The following PTN variants were observed in gnomAD, a reference collection of about 807,000 sequenced individuals.
PTN encodes the protein heparin affin regulatory protein.
In PTN, 18 loss-of-function variants were observed where a neutral mutation model predicts 24.1. That is an observed-to-expected ratio of 0.75 (90% CI 0.52 to 1.11). PTN has a LOEUF of 1.11. PTN is among the 50% of genes least tolerant of loss of function. The pLI, the probability that PTN is intolerant of heterozygous loss-of-function variation, is 0.00. For synonymous variants in PTN, 78 were observed against 68.6 expected (o/e 1.14, Z -0.67); for missense variants, 163 against 198.8 (o/e 0.82, Z 1.08).
At chr7:137,235,925 A>G (rs917645684) in intron 4 of PTN, among the ~76,000 whole-genome samples, 1 of 152,164 alleles carries the variant, frequency 6.6e-6, no homozygotes, top group Non-Finnish European at 1.5e-5. Context: ...AAACACATCT[A>G]GACAATTTCA....
chr7:137,301,074 A>G (rs1373561550), intron 1 of PTN, among the ~76,000 whole-genome samples: 1 of 151,984 alleles, frequency 6.6e-6, no homozygotes, highest in Non-Finnish European at 1.5e-5. Context: ...TAAAATGTAT[A>G]AAGAGTATAG....
At chr7:137,297,854 C>A (rs1809742910) in intron 1 of PTN, among the ~76,000 whole-genome samples, 1 of 151,708 alleles carries the variant, frequency 6.6e-6, no homozygotes, top group African/African-American at 2.4e-5. Flanking sequence ...TCCAGAAGAG[C>A]TGATAAGTTA....
chr7:137,342,527 CTGTGTG>C lies in PTN; in HGVS notation c.-2+906_-2+911del, dbSNP rs4032309. ...GTATATAAACTGCATGTGTGTGTTC[CTGTGTG>C]TGTGTGTGTGTGTGTTGTGTCACAT... On this transcript the variant is annotated intron_variant, in intron 1 of 4. Coordinates refer to ENST00000348225, the MANE Select transcript of PTN (RefSeq NM_002825.7). Among the ~76,000 whole-genome samples, 18 of 150,522 alleles carry C rather than the reference CTGTGTG, an allele frequency of 1.2e-4. No homozygotes were observed. In the South Asian group the frequency reaches 1.7e-3, roughly 14 times the overall value.
intron 4 of PTN, among the ~76,000 whole-genome samples, chr7:137,231,318 A>G (rs1309927656): frequency 1.3e-5 from 2 of 151,656 alleles, no homozygotes; most frequent in Non-Finnish European, 2.9e-5. Context: ...TATCCTTTTC[A>G]TATTATTTCC....
intron 4 of PTN, among the ~76,000 whole-genome samples, chr7:137,232,454 G>A (rs1563193233): frequency 6.6e-6 from 1 of 151,814 alleles, no homozygotes; most frequent in Non-Finnish European, 1.5e-5. Flanking sequence ...GTAACTTTGT[G>A]GGGGGTTTTT....
At chr7:137,338,951 C>T (rs770204927) in intron 1 of PTN, among the ~76,000 whole-genome samples, 1 of 151,316 alleles carries the variant, frequency 6.6e-6, no homozygotes, top group Non-Finnish European at 1.5e-5. Flanking sequence ...TGTGACAATA[C>T]TAAAGCATTT....
At chr7:137,244,019 C>T (rs1808679694) in intron 4 of PTN, among the ~76,000 whole-genome samples, 1 of 152,252 alleles carries the variant, frequency 6.6e-6, no homozygotes. Flanking sequence ...GCTTAACGAG[C>T]TAGAGTAGAT....
chr7:137,318,154 G>A (rs190229553), intron 1 of PTN, among the ~76,000 whole-genome samples: 6 of 152,316 alleles, frequency 3.9e-5, no homozygotes, highest in Non-Finnish European at 7.4e-5. Flanking sequence ...TGTAATCCCA[G>A]CTACTTGGGA....
chr7:137,283,720 A>C (rs1809508251), intron 1 of PTN, among the ~76,000 whole-genome samples: 1 of 152,164 alleles, frequency 6.6e-6, no homozygotes, highest in African/African-American at 2.4e-5. Flanking sequence ...ATATGCCAAA[A>C]GAAGGAAAGA....
At chr7:137,300,248 C>G (rs1259302195) in intron 1 of PTN, among the ~76,000 whole-genome samples, 1 of 151,930 alleles carries the variant, frequency 6.6e-6, no homozygotes, top group African/African-American at 2.4e-5. Flanking sequence ...GCCTAAGGTA[C>G]AGGTGGTTGA....
At chr7:137,322,872 T>A (rs1810187338) in intron 1 of PTN, among the ~76,000 whole-genome samples, 1 of 152,216 alleles carries the variant, frequency 6.6e-6, no homozygotes, top group African/African-American at 2.4e-5. Flanking sequence ...ACTGCCAGCA[T>A]CAATTCCCTC....
intron 1 of PTN, among the ~76,000 whole-genome samples, chr7:137,298,108 G>T (rs1269658176): frequency 6.6e-6 from 1 of 151,966 alleles, no homozygotes; most frequent in Non-Finnish European, 1.5e-5. Flanking sequence ...ATAAAATATA[G>T]ATCCACACGC....
At chr7:137,276,313 C>T (rs1809357915) in intron 1 of PTN, among the ~76,000 whole-genome samples, 1 of 152,202 alleles carries the variant, frequency 6.6e-6, no homozygotes, top group Non-Finnish European at 1.5e-5. Flanking sequence ...CCAGCTCTTC[C>T]TCCTTTCTCT....
chr7:137,343,731 A>C lies in PTN; in HGVS notation c.-294T>G. The stretch of plus-strand genomic sequence containing the variant: ...GGGAGGGAACGGAAGGGAAATGGAG[A>C]ATGGGAGGGATGAGAGGAGCGGGCC... On this transcript the variant is annotated 5_prime_UTR_variant, in exon 1 of 5. In the 5' UTR this introduces an upstream ATG that the reference lacks. Coordinates refer to ENST00000348225, the MANE Select transcript of PTN (RefSeq NM_002825.7). 2.2e-6 allele frequency: 1 copy of C among 450,452 alleles called. No individual in the cohort carries two copies. The highest frequency in any genetic ancestry group is 4.5e-6 in the Non-Finnish European group (1 of 223,244). 27.9% of individuals were successfully genotyped at this position (450,452 alleles called of 1,614,324 possible). A position where few individuals can be genotyped will look rare whatever the true frequency, so the allele number is the denominator to read the frequency against.
chr7:137,287,045 T>G, intron 1 of PTN, among the ~76,000 whole-genome samples: 1 of 152,196 alleles, frequency 6.6e-6, no homozygotes, highest in Non-Finnish European at 1.5e-5. Context: ...GAGTCCTAAT[T>G]ATTCTATTTA....
At chr7:137,298,903 G>A (rs565929315) in intron 1 of PTN, among the ~76,000 whole-genome samples, 9 of 152,090 alleles carry the variant, frequency 5.9e-5, no homozygotes, top group South Asian at 2.1e-4. Flanking sequence ...GCACCAAGCC[G>A]GGGCTAGACT....
At chr7:137,252,165 T>C (rs1473350294) in intron 3 of PTN, among the ~76,000 whole-genome samples, 2 of 151,890 alleles carry the variant, frequency 1.3e-5, no homozygotes, top group Non-Finnish European at 2.9e-5. Context: ...ATATGAGGGA[T>C]CTGGTTTCTT....
chr7:137,230,283 C>G (rs1055831139), intron 4 of PTN, among the ~76,000 whole-genome samples: 11 of 151,822 alleles, frequency 7.2e-5, no homozygotes, highest in Non-Finnish European at 1.3e-4. Flanking sequence ...GGCAAGAGCA[C>G]ATTCTTAGGT....
chr7:137,330,234 T>A (rs1168768041), intron 1 of PTN, among the ~76,000 whole-genome samples: 1 of 151,536 alleles, frequency 6.6e-6, no homozygotes, highest in Non-Finnish European at 1.5e-5. Flanking sequence ...TGCAGTGAGC[T>A]GAAATCGTGC....
Sources: gnomAD v4.1 joint callset for allele counts (sites outside exome capture counted in the v4.1 genomes callset) on GRCh38, gnomAD v4.1.1 for gene constraint, MANE v1.5 for transcripts, NCBI Gene and HGNC (gene_info 2026-07-23, HGNC 2026-07-21) for gene names.